The following SLC24A2 variants were observed in gnomAD, a reference collection of about 807,000 sequenced individuals.
SLC24A2 encodes sodium/potassium/calcium exchanger 2.
Under a neutral mutation model 62.0 loss-of-function variants are expected in SLC24A2, and 36 were observed. That is an observed-to-expected ratio of 0.58 (90% CI 0.44 to 0.77). The LOEUF (loss-of-function observed/expected upper bound fraction) is 0.77, where lower values mean the gene tolerates loss of function less well. SLC24A2 is among the 30% of genes least tolerant of loss of function. The pLI is 0.00. For missense variants in SLC24A2, 846 were observed against 817.9 expected (o/e 1.03, Z -0.42); for synonymous variants, 358 against 294.0 (o/e 1.22, Z -2.23).
the SLC24A2 span, among the ~76,000 whole-genome samples, chr9:20,296,684 T>C: frequency 6.6e-6 from 1 of 152,234 alleles, no homozygotes; most frequent in African/African-American, 2.4e-5. Flanking sequence ...GTGGTTTTTG[T>C]TTGCTCTCGT....
upstream of SLC24A2, among the ~76,000 whole-genome samples, chr9:19,790,742 A>G (rs1343360470): frequency 6.6e-6 from 1 of 152,184 alleles, no homozygotes; most frequent in Non-Finnish European, 1.5e-5. Context: ...CCTCTGGGTA[A>G]CCAATTAGGC....
chr9:19,729,285 A>G (rs1821265468), intron 2 of SLC24A2, among the ~76,000 whole-genome samples: 1 of 152,216 alleles, frequency 6.6e-6, no homozygotes, highest in Non-Finnish European at 1.5e-5. Flanking sequence ...GTTAACCAGT[A>G]CGGCCGCTAT....
intron 7 of SLC24A2, among the ~76,000 whole-genome samples, chr9:19,558,297 G>T (rs1338112295): frequency 6.6e-6 from 1 of 152,120 alleles, no homozygotes; most frequent in Non-Finnish European, 1.5e-5. Flanking sequence ...GTTCCTAGGT[G>T]CAAATTTAAA....
chr9:20,054,205 T>A, the SLC24A2 span, among the ~76,000 whole-genome samples: 1 of 152,186 alleles, frequency 6.6e-6, no homozygotes, highest in Non-Finnish European at 1.5e-5. Flanking sequence ...TATGCTTTTA[T>A]TTTTGAGATG....
the SLC24A2 span, among the ~76,000 whole-genome samples, chr9:20,103,553 T>C: frequency 6.6e-6 from 1 of 152,212 alleles, no homozygotes; most frequent in Non-Finnish European, 1.5e-5. Flanking sequence ...AAATCCACTG[T>C]TCTGCAGCCA....
chr9:19,551,078 A>G (rs1008770399), intron 7 of SLC24A2, among the ~76,000 whole-genome samples: 6 of 152,104 alleles, frequency 3.9e-5, no homozygotes, highest in East Asian at 1.9e-4. Context: ...GATTTCTTCT[A>G]TCTAACTGTA....
the SLC24A2 span, among the ~76,000 whole-genome samples, chr9:19,977,976 C>G: frequency 6.6e-6 from 1 of 152,170 alleles, no homozygotes; most frequent in African/African-American, 2.4e-5. Flanking sequence ...AGGATTTTCT[C>G]CCTGATGTTC....
chr9:19,756,013 C>A (rs577631264), intron 2 of SLC24A2, among the ~76,000 whole-genome samples: 1 of 152,296 alleles, frequency 6.6e-6, no homozygotes, highest in African/African-American at 2.4e-5. Flanking sequence ...AGTGAGCTAT[C>A]ATGATCAGGT....
the SLC24A2 span, among the ~76,000 whole-genome samples, chr9:20,232,259 T>G: frequency 6.6e-6 from 1 of 152,176 alleles, no homozygotes; most frequent in Middle Eastern, 3.2e-3. Context: ...TAAAATGAGT[T>G]AGGGAGGATT....
chr9:19,563,504 C>T (rs1835501942), intron 7 of SLC24A2, among the ~76,000 whole-genome samples: 1 of 152,130 alleles, frequency 6.6e-6, no homozygotes, highest in South Asian at 2.1e-4. Flanking sequence ...GGAAGAAAGA[C>T]ATCATATGAA....
chr9:20,206,171 T>C, the SLC24A2 span, among the ~76,000 whole-genome samples: 1 of 152,232 alleles, frequency 6.6e-6, no homozygotes. Flanking sequence ...AAACTACCAC[T>C]TGTCAAGTTT....
At chr9:19,853,126 T>C in the SLC24A2 span, among the ~76,000 whole-genome samples, 1 of 152,208 alleles carries the variant, frequency 6.6e-6, no homozygotes, top group African/African-American at 2.4e-5. Context: ...TTATCTGTTG[T>C]TGGTGTATAG....
At chr9:20,111,446 C>T in the SLC24A2 span, among the ~76,000 whole-genome samples, 6 of 152,166 alleles carry the variant, frequency 3.9e-5, no homozygotes, top group Non-Finnish European at 7.4e-5. Context: ...TATTGCTTTT[C>T]TAAACAATGT....
At chr9:19,821,814 G>C in the SLC24A2 span, among the ~76,000 whole-genome samples, 2 of 152,106 alleles carry the variant, frequency 1.3e-5, no homozygotes, top group Non-Finnish European at 2.9e-5. Flanking sequence ...AAGTATCCTA[G>C]TATGTATTTA....
At chr9:20,185,237 C>T in the SLC24A2 span, among the ~76,000 whole-genome samples, 43 of 152,042 alleles carry the variant, frequency 2.8e-4, no homozygotes, top group Non-Finnish European at 5.7e-4. Flanking sequence ...TCTCACCACA[C>T]AAAAAGTATG....
the SLC24A2 span, among the ~76,000 whole-genome samples, chr9:20,301,705 C>T: frequency 2.6e-5 from 4 of 151,586 alleles, no homozygotes; most frequent in Non-Finnish European, 5.9e-5. Flanking sequence ...CCCCCACCAG[C>T]GTGGTACATT....
At chr9:20,216,667 C>T in the SLC24A2 span, among the ~76,000 whole-genome samples, 24 of 152,122 alleles carry the variant, frequency 1.6e-4, no homozygotes, top group Non-Finnish European at 2.8e-4. Flanking sequence ...GTTAAATGGA[C>T]AGATACTATC....
At chr9:20,162,501 C>G in the SLC24A2 span, among the ~76,000 whole-genome samples, 1 of 151,846 alleles carries the variant, frequency 6.6e-6, no homozygotes, top group South Asian at 2.1e-4. Context: ...GCTTACCAAC[C>G]AAAAAGAGTC....
At chr9:19,600,929 A>C (rs1462176849) in intron 4 of SLC24A2, among the ~76,000 whole-genome samples, 4 of 152,220 alleles carry the variant, frequency 2.6e-5, no homozygotes, top group Non-Finnish European at 4.4e-5. Context: ...GAATCAACCC[A>C]AAACAATCTG....
Sources: allele counts gnomAD v4.1 joint callset (sites outside exome capture counted in the v4.1 genomes callset), GRCh38; gene constraint gnomAD v4.1.1; transcripts MANE v1.5; gene names NCBI Gene and HGNC (gene_info 2026-07-23, HGNC 2026-07-21).